Variants in DLG2 observed in about 807,000 individuals in gnomAD.
DLG2 encodes disks large homolog 2.
In DLG2, 45 loss-of-function variants were observed where a neutral mutation model predicts 132.5. The ratio of observed to expected loss-of-function variants is 0.34; its 90% CI spans 0.27 to 0.44. The LOEUF (loss-of-function observed/expected upper bound fraction) is 0.44, where lower values mean the gene tolerates loss of function less well. Ranked by LOEUF, DLG2 falls within the 20% of genes least tolerant of loss-of-function variation. The pLI is 1.00. For synonymous variants in DLG2, 424 were observed against 419.6 expected, an observed-to-expected ratio of 1.01 and a Z score of -0.13; for missense variants, 1,045 against 1,196.9, an observed-to-expected ratio of 0.87 and a Z score of 1.87.
At chr11:85,403,351 G>C (rs184283758) in intron 3 of DLG2, among the ~76,000 whole-genome samples, 1 of 152,074 alleles carries the variant, frequency 6.6e-6, no homozygotes, top group Non-Finnish European at 1.5e-5. Flanking sequence ...GTTGGTGGGG[G>C]CTGGGGGAGG....
At chr11:85,459,332 G>C (rs189785722) in intron 3 of DLG2, among the ~76,000 whole-genome samples, 111 of 152,232 alleles carry the variant, frequency 7.3e-4, no homozygotes, top group Non-Finnish European at 1.4e-3. Flanking sequence ...GTGGGGGTTC[G>C]AGTGCTCACA....
intron 3 of DLG2, among the ~76,000 whole-genome samples, chr11:85,306,304 A>G (rs1400669938): frequency 1.3e-5 from 2 of 152,136 alleles, no homozygotes; most frequent in Admixed American, 6.5e-5. Context: ...TGCTTTGTGT[A>G]CTTTGGATAC....
At chr11:85,150,700 GTGTGTGT>G (rs2077191400) in intron 5 of DLG2, among the ~76,000 whole-genome samples, 1 of 780 alleles carries the variant, frequency 1.3e-3, no homozygotes, top group Admixed American at 6.1e-3. Context: ...AGGCTACATA[GTGTGTGT>G]GTGTGTGTGT....
At chr11:85,405,801 G>C (rs2088669885) in intron 3 of DLG2, among the ~76,000 whole-genome samples, 1 of 151,932 alleles carries the variant, frequency 6.6e-6, no homozygotes, top group African/African-American at 2.4e-5. Flanking sequence ...TAACTATAAA[G>C]AGAGGTGAAA....
At chr11:83,969,196 A>G (rs981034634) in intron 12 of DLG2, among the ~76,000 whole-genome samples, 4 of 152,196 alleles carry the variant, frequency 2.6e-5, no homozygotes, top group African/African-American at 4.8e-5. Flanking sequence ...AAAGCCATCA[A>G]TTGGATCACA....
intron 7 of DLG2, among the ~76,000 whole-genome samples, chr11:84,500,121 T>C (rs2099199010): frequency 6.6e-6 from 1 of 151,332 alleles, no homozygotes. Flanking sequence ...CAATATCAGG[T>C]TGTGATAAAG....
intron 19 of DLG2, among the ~76,000 whole-genome samples, chr11:83,569,064 A>T (rs1031281787): frequency 6.6e-6 from 1 of 152,188 alleles, no homozygotes; most frequent in Non-Finnish European, 1.5e-5. Flanking sequence ...CAGGTATACC[A>T]TCAGAGTCAT....
intron 7 of DLG2, among the ~76,000 whole-genome samples, chr11:84,428,085 C>T (rs890709705): frequency 2.0e-5 from 3 of 152,088 alleles, no homozygotes; most frequent in Non-Finnish European, 2.9e-5. Flanking sequence ...ATTTTGCCTC[C>T]TCTGTAGCTT....
rs191495200 is a variant in DLG2 at position 84,923,529 on chromosome 11, G to C, written c.357+188132C>G. The C allele has an allele frequency of 4.1e-4, 424 of 1,030,480 alleles. 2 individuals are homozygous for C. The African/African-American group carries it at 6.9e-3, about 17-fold the overall frequency. 63.8% of individuals were successfully genotyped at this position (1,030,480 alleles called of 1,614,324 possible). A position where few individuals can be genotyped will look rare whatever the true frequency, so the allele number is the denominator to read the frequency against. The stretch of plus-strand genomic sequence containing the variant: ...AACCAATGAGTTACTTATATTTCTG[G>C]AGAGCCCCGGTGTTATCCTATTAAA... On this transcript the variant is annotated intron_variant, in intron 6 of 27. Transcript: ENST00000376104.
intron 7 of DLG2, among the ~76,000 whole-genome samples, chr11:84,289,934 A>T (rs1028828824): frequency 2.6e-5 from 4 of 152,182 alleles, no homozygotes; most frequent in Non-Finnish European, 5.9e-5. Flanking sequence ...CCAGATCCAG[A>T]ATATAGTAAT....
At chr11:83,560,432 T>G (rs962628814) in intron 19 of DLG2, among the ~76,000 whole-genome samples, 2 of 151,990 alleles carry the variant, frequency 1.3e-5, no homozygotes, top group Admixed American at 6.6e-5. Flanking sequence ...CTTTGAAGAG[T>G]GCCTACATTT....
intron 6 of DLG2, among the ~76,000 whole-genome samples, chr11:84,602,336 A>T (rs1250564211): frequency 6.6e-6 from 1 of 151,930 alleles, no homozygotes; most frequent in East Asian, 1.9e-4. Context: ...TGAAAAAAAA[A>T]ATAGGGAATT....
At chr11:83,603,191 C>A (rs978321775) in intron 19 of DLG2, among the ~76,000 whole-genome samples, 1 of 151,980 alleles carries the variant, frequency 6.6e-6, no homozygotes, top group Non-Finnish European at 1.5e-5. Context: ...TATTATACAC[C>A]GATCACCACG....
At chr11:84,831,499 C>A (rs1158154879) in intron 6 of DLG2, among the ~76,000 whole-genome samples, 1 of 151,530 alleles carries the variant, frequency 6.6e-6, no homozygotes, top group East Asian at 1.9e-4. Context: ...GATCACACAG[C>A]AAGTAAGTAA....
chr11:84,934,515 G>GGTTTTTTTTTTTTTTTTTTTTTTT (rs1566441569), intron 6 of DLG2, among the ~76,000 whole-genome samples: 3 of 40,478 alleles, frequency 7.4e-5, no homozygotes, highest in African/African-American at 2.1e-4. Flanking sequence ...TTTTTTTTTT[G>GGTTTTTTTTTTTTTTTTTTTTTTT]TTTTGTTTTG....
chr11:84,707,086 C>G (rs1224976088), intron 6 of DLG2, among the ~76,000 whole-genome samples: 3 of 151,516 alleles, frequency 2.0e-5, no homozygotes, highest in Non-Finnish European at 4.4e-5. Flanking sequence ...TTCCTGAGTC[C>G]AAAGAATGGA....
At chr11:84,632,259 C>CTT (rs564941255) in intron 6 of DLG2, among the ~76,000 whole-genome samples, 11,032 of 146,990 alleles carry the variant, frequency 0.075, 463 homozygotes, top group South Asian at 0.11. Context: ...TTCAGTCTTG[C>CTT]TTTTTTTTTT....
At chr11:83,682,860 C>G (rs2079068566) in intron 18 of DLG2, among the ~76,000 whole-genome samples, 1 of 152,098 alleles carries the variant, frequency 6.6e-6, no homozygotes, top group Admixed American at 6.6e-5. Flanking sequence ...ATTAGGGAGT[C>G]CTACCCCCTT....
At chr11:84,952,243 C>A (rs1182883666) in intron 6 of DLG2, among the ~76,000 whole-genome samples, 1 of 152,204 alleles carries the variant, frequency 6.6e-6, no homozygotes, top group Non-Finnish European at 1.5e-5. Flanking sequence ...TTTCTCAGTG[C>A]TTAAGAATAA....
Sources: gnomAD v4.1 joint callset for allele counts (sites outside exome capture counted in the v4.1 genomes callset) on GRCh38, gnomAD v4.1.1 for gene constraint, MANE v1.5 for transcripts, NCBI Gene and HGNC (gene_info 2026-07-23, HGNC 2026-07-21) for gene names.